Variants in TMEM232 observed in about 807,000 individuals in gnomAD.
The protein encoded by TMEM232 is transmembrane protein 232.
In TMEM232, 80 loss-of-function variants were observed where a neutral mutation model predicts 78.8. The ratio of observed to expected loss-of-function variants is 1.01; its 90% CI spans 0.85 to 1.22. The LOEUF is 1.22. Among genes scored for constraint, TMEM232 ranks in the 50% most tolerant of loss-of-function variants. The pLI is 0.00. For missense variants in TMEM232, 881 were observed against 742.2 expected (o/e 1.19, Z -2.17); for synonymous variants, 297 against 254.3 (o/e 1.17, Z -1.60).
At chr5:110,413,927 T>C (rs311711) in intron 2 of TMEM232, among the ~76,000 whole-genome samples, 42,837 of 152,138 alleles carry the variant, frequency 0.28, 10,085 homozygotes, top group African/African-American at 0.63. Flanking sequence ...ACATAGCTTC[T>C]GTCCATAATC....
At chr5:110,612,531 T>C (rs933039501) in intron 8 of TMEM232, among the ~76,000 whole-genome samples, 4 of 152,122 alleles carry the variant, frequency 2.6e-5, no homozygotes, top group Admixed American at 2.0e-4. Flanking sequence ...ATTAGTAGGA[T>C]CAAGGATATA....
intron 12 of TMEM232, among the ~76,000 whole-genome samples, chr5:110,507,145 A>G (rs1767001203): frequency 6.6e-6 from 1 of 152,196 alleles, no homozygotes; most frequent in Non-Finnish European, 1.5e-5. Context: ...TTTTCACAAC[A>G]TTGGGATTAT....
chr5:110,485,691 G>A (rs1764385216), intron 12 of TMEM232, among the ~76,000 whole-genome samples: 1 of 152,032 alleles, frequency 6.6e-6, no homozygotes, highest in Non-Finnish European at 1.5e-5. Flanking sequence ...ATACACTACA[G>A]TTTCTTTATC....
At chr5:110,724,670 C>A (rs776283668) in intron 1 of TMEM232, among the ~76,000 whole-genome samples, 62 of 152,242 alleles carry the variant, frequency 4.1e-4, no homozygotes, top group Middle Eastern at 3.4e-3. Context: ...TTTAACTGGC[C>A]TTCTGCAGAA....
At chr5:110,621,475 C>T (rs887035877) in intron 7 of TMEM232, among the ~76,000 whole-genome samples, 1 of 152,030 alleles carries the variant, frequency 6.6e-6, no homozygotes, top group Non-Finnish European at 1.5e-5. Context: ...TATATTCAGT[C>T]TATTAAAAAT....
Position 110,420,012 on chromosome 5 carries a change from C to G in TMEM232, c.*568G>C, listed in dbSNP as rs1369122733. On this transcript the variant is annotated 3_prime_UTR_variant, in exon 14 of 14. Coordinates refer to ENST00000455884, the MANE Select transcript of TMEM232 (RefSeq NM_001039763.4). ...ATCCCCTCTGGCATCTGTTAAAGAT[C>G]AAGCCAATCAATCTAAGATGACCAG... The G allele has an allele frequency of 6.6e-6, 1 of 152,250 alleles. No individual in the cohort carries two copies. The highest frequency in any genetic ancestry group is 2.4e-5 in the African/African-American group (1 of 41,426). The allele number at this position is 152,250 out of a possible 1,614,324, so 9.4% of individuals were successfully genotyped here.
intron 8 of TMEM232, among the ~76,000 whole-genome samples, chr5:110,606,883 A>G (rs1369271806): frequency 1.3e-5 from 2 of 152,076 alleles, no homozygotes; most frequent in Non-Finnish European, 2.9e-5. Context: ...GAAGGTTTTG[A>G]AAATTACATA....
At chr5:110,550,958 T>G (rs1001735999) in intron 11 of TMEM232, among the ~76,000 whole-genome samples, 1 of 151,950 alleles carries the variant, frequency 6.6e-6, no homozygotes, top group Non-Finnish European at 1.5e-5. Flanking sequence ...CCATTTTTTT[T>G]TTTTCACAGC....
rs374613189 is a variant in TMEM232 at position 110,606,123 on chromosome 5, T to C, written c.1026+41A>G. On this transcript the variant is annotated intron_variant, in intron 9 of 13. Transcript: ENST00000455884. ...AATAGTGGCAAAAATAAAATCTGTT[T>C]CTCTTCGGTTCTCTTTTCACATATA... 31 of 1,497,728 alleles carry C rather than the reference T, an allele frequency of 2.1e-5. No individual in the cohort carries two copies. In the East Asian group the frequency reaches 3.7e-4, roughly 18 times the overall value. The allele number at this position is 1,497,728 out of a possible 1,614,324, so 92.8% of individuals were successfully genotyped here. A position where few individuals can be genotyped will look rare whatever the true frequency, so the allele number is the denominator to read the frequency against.
intron 10 of TMEM232, among the ~76,000 whole-genome samples, chr5:110,579,853 A>G (rs1335874902): frequency 3.3e-5 from 5 of 151,698 alleles, no homozygotes; most frequent in Admixed American, 1.3e-4. Flanking sequence ...AAACTTCCCA[A>G]TCAAAAGACA....
chr5:110,529,477 C>T (rs1561635622), intron 11 of TMEM232, among the ~76,000 whole-genome samples: 1 of 152,082 alleles, frequency 6.6e-6, no homozygotes. Flanking sequence ...GAACTCCTGA[C>T]CTCAGGTGAT....
intron 2 of TMEM232, among the ~76,000 whole-genome samples, chr5:110,400,802 G>C (rs544377864): frequency 1.3e-5 from 2 of 151,968 alleles, no homozygotes; most frequent in East Asian, 3.9e-4. Context: ...ATTTTGGGGC[G>C]GGGGAACATC....
chr5:110,593,428 T>C (rs1779770957), intron 10 of TMEM232, among the ~76,000 whole-genome samples: 1 of 152,226 alleles, frequency 6.6e-6, no homozygotes, highest in Admixed American at 6.5e-5. Flanking sequence ...AATAAAATTA[T>C]GAACTTCCTG....
chr5:110,599,611 A>T (rs1209929564), intron 10 of TMEM232, among the ~76,000 whole-genome samples: 2 of 152,014 alleles, frequency 1.3e-5, no homozygotes, highest in Non-Finnish European at 2.9e-5. Context: ...TGCAACAAGA[A>T]GAGCTATCTT....
At chr5:110,664,800 A>G (rs1429843485) in intron 2 of TMEM232, among the ~76,000 whole-genome samples, 1 of 152,136 alleles carries the variant, frequency 6.6e-6, no homozygotes, top group Non-Finnish European at 1.5e-5. Flanking sequence ...CACTAATCTC[A>G]TAATGAGAGC....
chr5:110,388,069 G>C (rs1755049342), intron 4 of TMEM232: 1 of 152,178 alleles, frequency 6.6e-6, no homozygotes, highest in African/African-American at 2.4e-5. Flanking sequence ...AAAGAAAGGA[G>C]AGAGGAGAGC....
At chr5:110,547,998 C>CAAA (rs938444289) in intron 11 of TMEM232, among the ~76,000 whole-genome samples, 26 of 48,594 alleles carry the variant, frequency 5.4e-4, no homozygotes, top group African/African-American at 1.1e-3. Flanking sequence ...ACTCCATCTC[C>CAAA]AAAAAAAAAA....
chr5:110,640,463 T>C (rs1786519581), intron 4 of TMEM232, among the ~76,000 whole-genome samples: 1 of 152,116 alleles, frequency 6.6e-6, no homozygotes, highest in Non-Finnish European at 1.5e-5. Context: ...TGAGGAGTGA[T>C]AAATGAAAAG....
intron 12 of TMEM232, among the ~76,000 whole-genome samples, chr5:110,464,819 T>C (rs1761902738): frequency 6.6e-6 from 1 of 152,186 alleles, no homozygotes; most frequent in South Asian, 2.1e-4. Context: ...TATCAATCTA[T>C]GTATCTATCT....
Sources: allele counts gnomAD v4.1 joint callset (sites outside exome capture counted in the v4.1 genomes callset), GRCh38; gene constraint gnomAD v4.1.1; transcripts MANE v1.5; gene names NCBI Gene and HGNC (gene_info 2026-07-23, HGNC 2026-07-21).